Variants in ZNF695 observed in about 807,000 individuals in gnomAD.
The protein encoded by ZNF695 is zinc finger protein 695.
A neutral mutation model predicts 11.2 loss-of-function variants in ZNF695; 11 were observed. The ratio of observed to expected loss-of-function variants is 0.98; its 90% CI spans 0.62 to 1.62. ZNF695 has a LOEUF of 1.62. Among genes scored for constraint, ZNF695 ranks in the 40% most tolerant of loss-of-function variants. The pLI is 0.00. For missense variants in ZNF695, 559 were observed against 590.5 expected, an observed-to-expected ratio of 0.95 and a Z score of 0.55; for synonymous variants, 190 against 201.4, an observed-to-expected ratio of 0.94 and a Z score of 0.48.
intron 5 of ZNF695, among the ~76,000 whole-genome samples, chr1:246,955,972 T>C (rs1485360827): frequency 2.0e-5 from 3 of 151,468 alleles, no homozygotes; most frequent in Non-Finnish European, 4.4e-5. Flanking sequence ...TGCCAGATAT[T>C]AGTTTGGATT....
At chr1:246,998,223 C>T in intron 3 of ZNF695, among the ~76,000 whole-genome samples, 1 of 152,028 alleles carries the variant, frequency 6.6e-6, no homozygotes, top group Non-Finnish European at 1.5e-5. Flanking sequence ...ATGACACAGA[C>T]CGATGAAGTT....
chr1:246,954,113 G>T (rs915825544), intron 5 of ZNF695, among the ~76,000 whole-genome samples: 8 of 152,072 alleles, frequency 5.3e-5, no homozygotes, highest in Non-Finnish European at 8.8e-5. Context: ...AACTGTTTCT[G>T]AGCACAGGGA....
chr1:246,975,722 G>C (rs571632175), intron 4 of ZNF695, among the ~76,000 whole-genome samples: 1 of 152,316 alleles, frequency 6.6e-6, no homozygotes, highest in East Asian at 1.9e-4. Context: ...TGACAGTAAG[G>C]AGTAAGCTAA....
At chr1:246,955,692 A>T (rs1399838796) in intron 5 of ZNF695, among the ~76,000 whole-genome samples, 1 of 152,196 alleles carries the variant, frequency 6.6e-6, no homozygotes, top group Non-Finnish European at 1.5e-5. Context: ...CTAAAATGAT[A>T]ACGCCCTATA....
At chr1:246,961,094 T>C (rs935888542) in intron 5 of ZNF695, among the ~76,000 whole-genome samples, 12 of 152,198 alleles carry the variant, frequency 7.9e-5, no homozygotes, top group African/African-American at 2.4e-4. Context: ...GTAGGGTCAG[T>C]TGATGACCAA....
At chr1:246,964,431 G>A (rs976548780) in intron 5 of ZNF695, among the ~76,000 whole-genome samples, 11 of 152,158 alleles carry the variant, frequency 7.2e-5, no homozygotes, top group African/African-American at 2.4e-4. Context: ...CAGGAACCAA[G>A]ATCAAAGACC....
intron 3 of ZNF695, among the ~76,000 whole-genome samples, chr1:246,991,987 A>G (rs1419126756): frequency 6.6e-6 from 1 of 151,972 alleles, no homozygotes; most frequent in African/African-American, 2.4e-5. Context: ...CAAGGTCAAA[A>G]GATTGAGACC....
exon 5 of ZNF695, chr1:246,967,700 T>C: frequency 2.5e-6 from 1 of 394,286 alleles, no homozygotes; most frequent in Non-Finnish European, 5.0e-6. Flanking sequence ...CTCACGGTTC[T>C]GTGGGCTTTA....
chr1:246,950,298 T>G (rs556485310), intron 5 of ZNF695, among the ~76,000 whole-genome samples: 3 of 152,198 alleles, frequency 2.0e-5, no homozygotes, highest in Non-Finnish European at 4.4e-5. Flanking sequence ...GGTTTAAAAA[T>G]AATTACTGAA....
rs191152217 is a variant in ZNF695 at position 246,967,892 on chromosome 1, T to C, written c.391-100A>G. On this transcript the variant is annotated intron_variant, in intron 4 of 5. Coordinates refer to the ZNF695 transcript ENST00000487338. Reference sequence around the variant, plus strand: ...TCATGAGAACAGCAAAGGAGAAGTCTGCCCCCATGATCCAATTACCTTCCC... The same window carrying C: ...TCATGAGAACAGCAAAGGAGAAGTCCGCCCCCATGATCCAATTACCTTCCC... The C allele has an allele frequency of 2.0e-3, 376 of 185,742 alleles. 1 individual carries two copies. The highest frequency in any genetic ancestry group is 7.1e-3 in the African/African-American group (300 of 42,244). 11.5% of individuals were successfully genotyped at this position (185,742 alleles called of 1,614,324 possible).
intron 3 of ZNF695, among the ~76,000 whole-genome samples, chr1:246,992,597 C>A (rs762185140): frequency 2.6e-5 from 4 of 152,038 alleles, no homozygotes; most frequent in Non-Finnish European, 5.9e-5. Context: ...GAATGGACAC[C>A]CCATTTTCCC....
At chr1:246,945,621 T>C, downstream of ZNF695, 1 of 651,632 alleles carries the variant, frequency 1.5e-6, no homozygotes, top group East Asian at 2.8e-5. Context: ...GATATCTCAA[T>C]AAAAACCAAC....
chr1:246,953,853 G>C (rs560306851), intron 5 of ZNF695, among the ~76,000 whole-genome samples: 35 of 151,314 alleles, frequency 2.3e-4, no homozygotes, highest in Admixed American at 5.3e-4. Context: ...TTGAACCCAG[G>C]AGATGAAGGT....
chr1:246,970,313 G>A lies in ZNF695; in HGVS notation c.391-2521C>T, dbSNP rs556858966. On this transcript the variant is annotated intron_variant, in intron 4 of 5. Transcript: ENST00000487338. ...TGTAGGTAGTGTAAAGTGTGATCTC[G>A]GAGAGGAGGGAAACAGAGGTGAGCC... is the stretch of plus-strand genomic sequence containing the variant. 1.6e-4 allele frequency among the ~76,000 whole-genome samples: 25 copies of A among 152,088 alleles called. No homozygotes were observed. The East Asian group carries it at 1.9e-3, about 12-fold the overall frequency.
In ZNF695 at chr1:247,006,986, C is replaced by A. The variant is rs149246309; in HGVS notation, c.3+920G>T. ...AACCAACCACTAAATGCTAATAAAT[C>A]TCTTATTACATAATCAGGAAATTTC... On this transcript the variant is annotated intron_variant, in intron 1 of 3. Transcript: ENST00000339986. Among the ~76,000 whole-genome samples the A allele has an allele frequency of 3.9e-5, 6 of 152,262 alleles. No individual in the cohort carries two copies. The East Asian group carries it at 1.2e-3, about 29-fold the overall frequency.
intron 5 of ZNF695, chr1:246,945,924 T>C: frequency 5.6e-6 from 8 of 1,432,756 alleles, no homozygotes; most frequent in South Asian, 1.2e-5. Flanking sequence ...GATTGAAGAC[T>C]TGGTTCCATT....
At chr1:246,998,854 G>C (rs573105968) in intron 3 of ZNF695, among the ~76,000 whole-genome samples, 2 of 152,244 alleles carry the variant, frequency 1.3e-5, no homozygotes, top group African/African-American at 4.8e-5. Context: ...TGTAGTCCCA[G>C]CTACTCGGGA....
intron 4 of ZNF695, chr1:246,969,675 T>C (rs981325890): frequency 1.3e-5 from 2 of 152,236 alleles, no homozygotes; most frequent in African/African-American, 4.8e-5. Context: ...TGAGTCTGGA[T>C]AATCTGTAAG....
At chr1:246,993,345 T>C (rs2103027081) in intron 3 of ZNF695, among the ~76,000 whole-genome samples, 1 of 151,970 alleles carries the variant, frequency 6.6e-6, no homozygotes, top group South Asian at 2.1e-4. Context: ...AGGCAGAGGG[T>C]GCAGTGAGCC....
Sources: gnomAD v4.1 joint callset for allele counts (sites outside exome capture counted in the v4.1 genomes callset) on GRCh38, gnomAD v4.1.1 for gene constraint, MANE v1.5 for transcripts, NCBI Gene and HGNC (gene_info 2026-07-23, HGNC 2026-07-21) for gene names.